The following HIP1 variants were observed in gnomAD, a reference collection of about 807,000 sequenced individuals.
HIP1 encodes the protein huntingtin-interacting protein 1.
A neutral mutation model predicts 147.6 loss-of-function variants in HIP1; 65 were observed. The ratio of observed to expected loss-of-function variants is 0.44; its 90% CI spans 0.36 to 0.54. The LOEUF (loss-of-function observed/expected upper bound fraction) is 0.54. Among genes scored for constraint, HIP1 ranks in the 20% least tolerant of loss-of-function variants. The probability of loss-of-function intolerance (pLI) is 0.00; values close to 1 mark genes in which losing one functional copy is unlikely to be tolerated. For missense variants in HIP1, 1,061 were observed against 1,299.6 expected (o/e 0.82, Z 2.82); for synonymous variants, 479 against 504.0 (o/e 0.95, Z 0.67).
intron 1 of HIP1, among the ~76,000 whole-genome samples, chr7:75,664,458 ATG>A (rs139811135): frequency 0.52 from 65,822 of 126,530 alleles, 17,172 homozygotes; most frequent in African/African-American, 0.65. Context: ...ACACATACAT[ATG>A]TGTGTGTGTA....
chr7:75,731,098 GAC>G (rs1370049964), intron 1 of HIP1, among the ~76,000 whole-genome samples: 3 of 151,968 alleles, frequency 2.0e-5, no homozygotes. Context: ...CAAAACCAGG[GAC>G]CAAAAGAAAG....
intron 4 of HIP1, among the ~76,000 whole-genome samples, chr7:75,588,087 A>T (rs1216735752): frequency 1.3e-5 from 2 of 152,188 alleles, no homozygotes; most frequent in African/African-American, 2.4e-5. Context: ...CTCCCTAAGG[A>T]CTATGAAGAA....
intron 1 of HIP1, among the ~76,000 whole-genome samples, chr7:75,649,488 A>G (rs1798905554): frequency 6.6e-6 from 1 of 152,162 alleles, no homozygotes; most frequent in Non-Finnish European, 1.5e-5. Flanking sequence ...TGAGAGGGCA[A>G]AAATAAAGGA....
intron 1 of HIP1, among the ~76,000 whole-genome samples, chr7:75,678,936 T>C (rs1554516461): frequency 6.6e-6 from 1 of 152,154 alleles, no homozygotes; most frequent in Non-Finnish European, 1.5e-5. Flanking sequence ...CCTAAAACGA[T>C]AGCCAAGGAA....
intron 1 of HIP1, among the ~76,000 whole-genome samples, chr7:75,692,564 G>T (rs1800497575): frequency 6.6e-6 from 1 of 150,704 alleles, no homozygotes; most frequent in Non-Finnish European, 1.5e-5. Flanking sequence ...GAGATTACTG[G>T]CATGAACCAC....
At chr7:75,572,649 A>G (rs1795686489) in intron 8 of HIP1, among the ~76,000 whole-genome samples, 1 of 152,176 alleles carries the variant, frequency 6.6e-6, no homozygotes, top group South Asian at 2.1e-4. Context: ...AACAGGCAGA[A>G]GCCTCACCCT....
Position 75,581,283 on chromosome 7 carries a change from C to T in HIP1, c.558G>A (p.Val186=). The change falls in exon 7 of 31, where the codon GTG becomes GTA. Residue 186 remains valine (V), a synonymous_variant. Coordinates refer to ENST00000336926, the MANE Select transcript of HIP1 (RefSeq NM_005338.7). The part of the protein sequence containing the change: ...SDVNNFFQLT[V]EMFDYLECEL... ...CACACTCCAGGTAGTCAAACATCTC[C>T]ACTGTTAACTGGAAACTGGACCCAA... 3.7e-6 allele frequency: 6 copies of T among 1,611,678 alleles called. No homozygotes were observed. The highest frequency in any genetic ancestry group is 5.1e-6 in the Non-Finnish European group (6 of 1,178,874).
chr7:75,704,178 A>G (rs1323900710), intron 1 of HIP1, among the ~76,000 whole-genome samples: 2 of 152,174 alleles, frequency 1.3e-5, no homozygotes, highest in Non-Finnish European at 2.9e-5. Context: ...TGACAAAACA[A>G]ATAGTCTTAC....
chr7:75,537,713 C>T lies in HIP1; in HGVS notation c.*459G>A. On this transcript the variant is annotated 3_prime_UTR_variant, in exon 31 of 31. Transcript: ENST00000336926. ...GCCCTCTGATGCTCACAAGTTTGTG[C>T]AAATGATGAAACTGAAAAGACTGAG... 1 of 250,984 alleles carries T rather than the reference C, an allele frequency of 4.0e-6. No individual in the cohort carries two copies. The highest frequency in any genetic ancestry group is 7.8e-6 in the Non-Finnish European group (1 of 128,874). 15.5% of individuals were successfully genotyped at this position (250,984 alleles called of 1,614,324 possible).
intron 1 of HIP1, among the ~76,000 whole-genome samples, chr7:75,607,082 T>G (rs1351623617): frequency 1.3e-5 from 2 of 151,432 alleles, no homozygotes; most frequent in Non-Finnish European, 2.9e-5. Flanking sequence ...AATTTTTTTT[T>G]AAATAGCCAG....
chr7:75,648,982 A>AT (rs1218583995), intron 1 of HIP1, among the ~76,000 whole-genome samples: 2 of 150,344 alleles, frequency 1.3e-5, no homozygotes, highest in Non-Finnish European at 3.0e-5. Flanking sequence ...GCTATTTTTT[A>AT]TTTTTTTCTT....
chr7:75,556,963 AGGAGG>A (rs1795030140), intron 16 of HIP1, 152 bp from the exon 17 acceptor site: 2 of 525,592 alleles, frequency 3.8e-6, no homozygotes, highest in Non-Finnish European at 6.9e-6. Flanking sequence ...GTGTGGGAGG[AGGAGG>A]CAAGACCCCA....
At chr7:75,591,997 G>A in intron 4 of HIP1, 59 bp downstream of exon 4, 1 of 1,333,754 alleles carries the variant, frequency 7.5e-7, no homozygotes, top group Non-Finnish European at 1.1e-6. Flanking sequence ...TCCTTGCTCT[G>A]TGGCCTCTGA....
At position 75,664,057 on chromosome 7, in the gene HIP1, C is replaced by T. The variant is rs144651738; in HGVS notation, c.121-64810G>A. ...ATATATACACATATATGTGTATATA[C>T]ACATATATGTGTATATACACACACA... On this transcript the variant is annotated intron_variant, in intron 1 of 30. Transcript: ENST00000336926. Among the ~76,000 whole-genome samples the T allele has an allele frequency of 3.2e-3, 208 of 64,848 alleles. 39 individuals are homozygous for T. The highest frequency in any genetic ancestry group is 0.011 in the African/African-American group (187 of 16,310). 42.5% of individuals were successfully genotyped at this position (64,848 alleles called of 152,430 possible).
At chr7:75,603,195 A>G (rs1797073844) in intron 1 of HIP1, among the ~76,000 whole-genome samples, 1 of 151,858 alleles carries the variant, frequency 6.6e-6, no homozygotes, top group South Asian at 2.1e-4. Flanking sequence ...AAAAAATACA[A>G]AAATTAGCTG....
chr7:75,663,038 C>T (rs1043502366), intron 1 of HIP1, among the ~76,000 whole-genome samples: 2 of 152,186 alleles, frequency 1.3e-5, no homozygotes, highest in African/African-American at 4.8e-5. Context: ...AGTTGCCCAT[C>T]TGATATTTGC....
intron 8 of HIP1, among the ~76,000 whole-genome samples, chr7:75,571,965 T>C (rs1416297231): frequency 6.6e-6 from 1 of 152,078 alleles, no homozygotes; most frequent in Non-Finnish European, 1.5e-5. Context: ...ATCCTAGCAC[T>C]TTAGGAGGCT....
intron 9 of HIP1, among the ~76,000 whole-genome samples, chr7:75,564,293 TTTTG>T (rs201311651): frequency 3.9e-5 from 6 of 152,158 alleles, no homozygotes; most frequent in Non-Finnish European, 5.9e-5. Flanking sequence ...TTCATTTTTA[TTTTG>T]TTTGTTTATT....
chr7:75,697,777 A>G (rs1438590118), intron 1 of HIP1, among the ~76,000 whole-genome samples: 1 of 152,190 alleles, frequency 6.6e-6, no homozygotes, highest in Non-Finnish European at 1.5e-5. Flanking sequence ...GTGCCACTAC[A>G]CTCCAACCTG....
Sources: gnomAD v4.1 joint callset for allele counts (sites outside exome capture counted in the v4.1 genomes callset) on GRCh38, gnomAD v4.1.1 for gene constraint, MANE v1.5 for transcripts, NCBI Gene and HGNC (gene_info 2026-07-23, HGNC 2026-07-21) for gene names.